RBM26: variants seen among roughly 807,000 people sequenced by gnomAD.
The protein encoded by RBM26 is RNA binding motif protein 26.
In RBM26, 30 loss-of-function variants were observed where a neutral mutation model predicts 123.6. That is an observed-to-expected ratio of 0.24 (90% CI 0.18 to 0.33). RBM26 has a LOEUF of 0.33. Among genes scored for constraint, RBM26 ranks in the 10% least tolerant of loss-of-function variants. The pLI is 1.00. For synonymous variants in RBM26, 400 were observed against 404.4 expected, an observed-to-expected ratio of 0.99 and a Z score of 0.13; for missense variants, 947 against 1,203.6, an observed-to-expected ratio of 0.79 and a Z score of 3.15.
rs1485793823 is a variant in RBM26 at position 79,371,897 on chromosome 13, A to C, written c.361T>G (p.Ser121Ala). The change falls in exon 4 of 22, where the codon TCT (serine) becomes GCT (alanine). Residue 121 changes from serine to alanine, a missense_variant. Transcript: ENST00000438737. ...GGAGGACTGTGATTTAGCCTTCTAG[A>C]AAACTTCTTCTCTCGCTCTTCCTCC... ...TKEEEREKKFSRRLNHSPPQS... is the reference protein window; with the variant it reads ...TKEEEREKKFARRLNHSPPQS... The C allele has an allele frequency of 2.1e-5, 34 of 1,612,736 alleles. No individual in the cohort carries two copies. The Admixed American group carries it at 3.8e-4, about 18-fold the overall frequency.
chr13:79,405,072 A>C (rs1010705506), intron 1 of RBM26, among the ~76,000 whole-genome samples: 1 of 152,230 alleles, frequency 6.6e-6, no homozygotes, highest in African/African-American at 2.4e-5. Flanking sequence ...CGCAGCCCCC[A>C]ACACAAAATC....
At chr13:79,401,493 C>T (rs891370262) in intron 1 of RBM26, among the ~76,000 whole-genome samples, 7 of 152,160 alleles carry the variant, frequency 4.6e-5, no homozygotes, top group African/African-American at 1.4e-4. Context: ...TCAGTATCAT[C>T]ACCTGCAAAA....
chr13:79,348,366 T>C (rs930871643), intron 14 of RBM26, among the ~76,000 whole-genome samples: 1 of 152,094 alleles, frequency 6.6e-6, no homozygotes, highest in African/African-American at 2.4e-5. Context: ...AACACCTCCT[T>C]ATTTTATTTC....
intron 1 of RBM26, among the ~76,000 whole-genome samples, chr13:79,387,799 T>G (rs901870162): frequency 2.6e-5 from 4 of 152,198 alleles, no homozygotes; most frequent in African/African-American, 9.7e-5. Flanking sequence ...TGACCAAATT[T>G]TGAGCCCTTA....
Position 79,405,890 on chromosome 13 carries a change from G to A in RBM26, c.-116C>T. 1 of 480,168 alleles carries A rather than the reference G, an allele frequency of 2.1e-6. No individual in the cohort carries two copies. The highest frequency in any genetic ancestry group is 3.3e-6 in the Non-Finnish European group (1 of 304,734). The allele number at this position is 480,168 out of a possible 1,614,324, so 29.7% of individuals were successfully genotyped here. On this transcript the variant is annotated 5_prime_UTR_variant, in exon 1 of 22. Coordinates refer to ENST00000438737, the MANE Select transcript of RBM26 (RefSeq NM_001366735.2). Reference sequence around the variant, plus strand: ...CCGCCCGCGTGGGCCGCGGTGGGAGGCGCCGGTGGCAGGTTCCCGCGGGCC... The same window carrying A: ...CCGCCCGCGTGGGCCGCGGTGGGAGACGCCGGTGGCAGGTTCCCGCGGGCC...
chr13:79,336,545 C>T (rs2070441966), intron 19 of RBM26, among the ~76,000 whole-genome samples: 1 of 152,110 alleles, frequency 6.6e-6, no homozygotes, highest in Admixed American at 6.5e-5. Context: ...CCTAATAAAT[C>T]CCAGGAAGTC....
At chr13:79,315,226 C>T (rs2067034896), downstream of RBM26, among the ~76,000 whole-genome samples, 1 of 151,740 alleles carries the variant, frequency 6.6e-6, no homozygotes, top group Non-Finnish European at 1.5e-5. Context: ...AAGATCACAG[C>T]ATACAACATA....
chr13:79,372,878 T>A lies in RBM26; in HGVS notation c.328-948A>T, dbSNP rs1447700241. 3.8e-5 allele frequency among the ~76,000 whole-genome samples: 3 copies of A among 78,738 alleles called. 1 individual carries two copies. The highest frequency in any genetic ancestry group is 1.5e-4 in the Admixed American group (1 of 6,698). The allele number at this position is 78,738 out of a possible 152,430, so 51.7% of individuals were successfully genotyped here. On this transcript the variant is annotated intron_variant, in intron 3 of 21. Transcript: ENST00000438737. ...ATAAATATAAATATATTTATAATATTTTATATGCTATATAAAATATATCTT... is the reference window on the plus strand; with the variant it reads ...ATAAATATAAATATATTTATAATATATTATATGCTATATAAAATATATCTT...
At chr13:79,386,591 T>TAA (rs398023598) in intron 1 of RBM26, among the ~76,000 whole-genome samples, 93 of 92,824 alleles carry the variant, frequency 1.0e-3, no homozygotes, top group African/African-American at 3.4e-3. Flanking sequence ...ACTCTCTCTT[T>TAA]AAAAAAAAAA....
intron 1 of RBM26, among the ~76,000 whole-genome samples, chr13:79,382,979 G>T (rs1042642347): frequency 6.6e-6 from 1 of 152,292 alleles, no homozygotes; most frequent in Non-Finnish European, 1.5e-5. Flanking sequence ...TAATTGAAAA[G>T]TTATCACAAG....
chr13:79,338,257 A>G (rs1293877851), intron 18 of RBM26, among the ~76,000 whole-genome samples: 1 of 152,228 alleles, frequency 6.6e-6, no homozygotes, highest in Non-Finnish European at 1.5e-5. Context: ...ATTAATGAGA[A>G]GTGACTCAAA....
chr13:79,351,301 T>C (rs1016602878), intron 14 of RBM26, among the ~76,000 whole-genome samples: 3 of 152,204 alleles, frequency 2.0e-5, no homozygotes, highest in African/African-American at 7.2e-5. Context: ...TTACATTTAA[T>C]TGACAGAACT....
chr13:79,356,331 C>T (rs1397339069), intron 11 of RBM26, among the ~76,000 whole-genome samples: 1 of 143,390 alleles, frequency 7.0e-6, no homozygotes, highest in African/African-American at 2.6e-5. Flanking sequence ...ATCATGCCAC[C>T]TCACTCTGGC....
chr13:79,365,118 C>T (rs552548069), intron 9 of RBM26, among the ~76,000 whole-genome samples: 5 of 152,114 alleles, frequency 3.3e-5, no homozygotes, highest in South Asian at 2.1e-4. Context: ...TTTTCTCCAA[C>T]GGGGGAACGA....
chr13:79,350,484 T>A (rs1251426790), intron 14 of RBM26, among the ~76,000 whole-genome samples: 1 of 152,170 alleles, frequency 6.6e-6, no homozygotes, highest in Non-Finnish European at 1.5e-5. Flanking sequence ...ATTTATCAAA[T>A]CTATTCACAT....
In RBM26 at chr13:79,371,235, A is replaced by C. The variant is rs2075841751; in HGVS notation, c.417-73T>G. ...CAGGAAAAAGCTAATTAAATGCAAA[A>C]GTTACATTTAATTCTTGTAACTTAA... On this transcript the variant is annotated intron_variant, in intron 4 of 21. Coordinates refer to ENST00000438737, the MANE Select transcript of RBM26 (RefSeq NM_001366735.2). 5 of 1,218,134 alleles carry C rather than the reference A, an allele frequency of 4.1e-6. No homozygotes were observed. In the Admixed American group the frequency reaches 8.6e-5, roughly 21 times the overall value. The allele number at this position is 1,218,134 out of a possible 1,614,324, so 75.5% of individuals were successfully genotyped here. A position where few individuals can be genotyped will look rare whatever the true frequency, so the allele number is the denominator to read the frequency against.
chr13:79,350,556 CCT>C (rs1431735638), intron 14 of RBM26, among the ~76,000 whole-genome samples: 1 of 152,132 alleles, frequency 6.6e-6, no homozygotes, highest in Non-Finnish European at 1.5e-5. Context: ...TTTTAACTTT[CCT>C]CTCTTCTAGC....
At chr13:79,329,984 T>TA (rs1194785049) in intron 20 of RBM26, among the ~76,000 whole-genome samples, 1 of 152,174 alleles carries the variant, frequency 6.6e-6, no homozygotes, top group African/African-American at 2.4e-5. Flanking sequence ...GATGAAATGA[T>TA]ACAGTGACTG....
chr13:79,382,993 A>AACGGATTACATTTGTCCAATATATCCTCC (rs1210234387), intron 1 of RBM26, among the ~76,000 whole-genome samples: 6 of 2,590 alleles, frequency 2.3e-3, no homozygotes, highest in Non-Finnish European at 4.4e-3. Context: ...TCACAAGGAA[A>AACGGATTACATTTGTCCAATATATCCTCC]AAGGATTACA....
Sources: gnomAD v4.1 joint callset for allele counts (sites outside exome capture counted in the v4.1 genomes callset) on GRCh38, gnomAD v4.1.1 for gene constraint, MANE v1.5 for transcripts, NCBI Gene and HGNC (gene_info 2026-07-23, HGNC 2026-07-21) for gene names.